Variants in RNF43 observed in about 807,000 individuals in gnomAD.
RNF43 encodes the protein ring finger protein 43, also known as E3 ubiquitin-protein ligase RNF43.
A neutral mutation model predicts 78.4 loss-of-function variants in RNF43; 37 were observed. The observed-to-expected ratio is 0.47, with a 90% CI of 0.36 to 0.62. The LOEUF is 0.62. Ranked by LOEUF, RNF43 falls within the 20% of genes least tolerant of loss-of-function variation. The pLI is 0.00. For missense variants in RNF43, 774 were observed against 1,007.9 expected (o/e 0.77, Z 3.14); for synonymous variants, 347 against 395.0 (o/e 0.88, Z 1.44).
chr17:58,378,139 G>A (rs1311039906), intron 2 of RNF43, among the ~76,000 whole-genome samples: 2 of 152,218 alleles, frequency 1.3e-5, no homozygotes, highest in Non-Finnish European at 2.9e-5. Context: ...GGAACCTCAA[G>A]ACCTCTTTCA....
intron 2 of RNF43, among the ~76,000 whole-genome samples, chr17:58,412,414 C>T (rs1019514380): frequency 5.3e-5 from 8 of 152,042 alleles, no homozygotes; most frequent in East Asian, 1.9e-4. Context: ...TTTCTTCTAG[C>T]GCTTTTAGAA....
At chr17:58,370,624 T>C (rs1298215502) in intron 3 of RNF43, among the ~76,000 whole-genome samples, 3 of 152,138 alleles carry the variant, frequency 2.0e-5, no homozygotes, top group African/African-American at 7.2e-5. Context: ...CCTTCTTTGC[T>C]CTGGTGCAGA....
chr17:58,370,784 T>A (rs1182447723), intron 3 of RNF43, 127 bp downstream of exon 3: 4 of 1,116,404 alleles, frequency 3.6e-6, no homozygotes, highest in Non-Finnish European at 4.8e-6. Context: ...CAGTCATGGG[T>A]TAGGGAAACC....
Position 58,358,537 on chromosome 17 carries a change from T to G in RNF43, c.1239A>C (p.Ala413=), listed in dbSNP as rs2143418928. 6.2e-7 allele frequency: 1 copy of G among 1,612,690 alleles called. No homozygotes were observed. Among genetic ancestry groups the G allele is most frequent in the Non-Finnish European group, 8.5e-7 (1 of 1,179,274 alleles). The change falls in exon 9 of 10, where the codon GCA becomes GCC. Residue 413 remains alanine (A), a synonymous_variant. Coordinates refer to ENST00000407977, the MANE Select transcript of RNF43 (RefSeq NM_017763.6). The surrounding 1 kb of genome is among the most constrained non-coding windows in gnomAD (Gnocchi z 6.2). ...QRLAGAQHPY[A]QGWGLSHLQS... Reference sequence around the variant, plus strand: ...GGAGGTGGCTCAGTCCCCAGCCTTGTGCATAGGGGTGCTGGGCTCCTGCCA... The same window carrying G: ...GGAGGTGGCTCAGTCCCCAGCCTTGGGCATAGGGGTGCTGGGCTCCTGCCA...
intron 2 of RNF43, among the ~76,000 whole-genome samples, chr17:58,396,558 G>A (rs1477178611): frequency 6.6e-6 from 1 of 152,092 alleles, no homozygotes; most frequent in Non-Finnish European, 1.5e-5. Context: ...CTGTCCTAAG[G>A]TTATCCATTT....
intron 2 of RNF43, among the ~76,000 whole-genome samples, chr17:58,383,909 C>T (rs1371999327): frequency 1.3e-5 from 2 of 152,198 alleles, no homozygotes; most frequent in Non-Finnish European, 2.9e-5. Flanking sequence ...TGAGCTACTG[C>T]GCCCAGCTAA....
At position 58,354,963 on chromosome 17, in the gene RNF43, GCTC is replaced by G. The variant is rs1972655356; in HGVS notation, c.2329_2331del (p.Glu777del). The G allele has an allele frequency of 3.7e-6, 6 of 1,614,132 alleles. No homozygotes were observed. Among genetic ancestry groups the G allele is most frequent in the Non-Finnish European group, 5.1e-6 (6 of 1,179,990 alleles). On this transcript the variant is annotated inframe_deletion, in exon 10 of 10. Transcript: ENST00000407977. Reference sequence around the variant, plus strand: ...ACATCTCACACAGCCTGTTCACACAGCTCCTCGAGTTCCTCCTCTGAGCCTGTA... The same window carrying G: ...ACATCTCACACAGCCTGTTCACACAGCTCGAGTTCCTCCTCTGAGCCTGTA...
chr17:58,400,520 A>G (rs1973774458), intron 2 of RNF43, among the ~76,000 whole-genome samples: 1 of 152,190 alleles, frequency 6.6e-6, no homozygotes, highest in Non-Finnish European at 1.5e-5. Flanking sequence ...ACACTCATAC[A>G]TTATTTCATT....
At chr17:58,385,369 T>C (rs1471260352) in intron 2 of RNF43, among the ~76,000 whole-genome samples, 1 of 152,220 alleles carries the variant, frequency 6.6e-6, no homozygotes, top group Non-Finnish European at 1.5e-5. Context: ...ATATTCTCCC[T>C]GCACTCCACC....
At chr17:58,400,471 A>G (rs1973773242) in intron 2 of RNF43, among the ~76,000 whole-genome samples, 1 of 152,234 alleles carries the variant, frequency 6.6e-6, no homozygotes, top group Middle Eastern at 3.2e-3. Context: ...TTTAATTACT[A>G]TTAATAATAA....
At chr17:58,392,666 C>T (rs1973584923) in intron 2 of RNF43, among the ~76,000 whole-genome samples, 1 of 152,186 alleles carries the variant, frequency 6.6e-6, no homozygotes, top group African/African-American at 2.4e-5. Flanking sequence ...TAGAGGACAG[C>T]ATATAACTTA....
At chr17:58,390,310 C>G (rs944078952) in intron 2 of RNF43, among the ~76,000 whole-genome samples, 7 of 152,102 alleles carry the variant, frequency 4.6e-5, no homozygotes, top group Admixed American at 3.9e-4. Context: ...TAAGGTAGAT[C>G]CTTTTTTTAA....
At chr17:58,411,788 T>C (rs752351776) in intron 2 of RNF43, among the ~76,000 whole-genome samples, 46 of 152,160 alleles carry the variant, frequency 3.0e-4, no homozygotes, top group Admixed American at 8.5e-4. Context: ...GATTGAGAAA[T>C]AAAATATGAC....
intron 2 of RNF43, among the ~76,000 whole-genome samples, chr17:58,397,452 G>A (rs914240837): frequency 2.0e-5 from 3 of 152,164 alleles, no homozygotes; most frequent in African/African-American, 7.2e-5. Flanking sequence ...CCTGAGGTCA[G>A]GAGTTCCAGA....
At chr17:58,385,052 T>C (rs1303873501) in intron 2 of RNF43, among the ~76,000 whole-genome samples, 1 of 152,226 alleles carries the variant, frequency 6.6e-6, no homozygotes, top group Non-Finnish European at 1.5e-5. Flanking sequence ...GCTTCTTGAC[T>C]CTTCACGTGT....
At chr17:58,367,572 C>T (rs1972983639) in intron 3 of RNF43, among the ~76,000 whole-genome samples, 1 of 152,164 alleles carries the variant, frequency 6.6e-6, no homozygotes, top group Non-Finnish European at 1.5e-5. Flanking sequence ...TGCTTTTCTC[C>T]AGATCTAGCT....
Position 58,357,273 on chromosome 17 carries a change from C to A in RNF43, c.2308+195G>T, listed in dbSNP as rs1474236469. The A allele has an allele frequency of 7.9e-6, 6 of 763,108 alleles. No individual in the cohort carries two copies. The East Asian group carries it at 1.6e-4, about 20-fold the overall frequency. 47.3% of individuals were successfully genotyped at this position (763,108 alleles called of 1,614,324 possible). A position where few individuals can be genotyped will look rare whatever the true frequency, so the allele number is the denominator to read the frequency against. On this transcript the variant is annotated intron_variant, in intron 9 of 9. Transcript: ENST00000407977. This position sits in a 1 kb window ranked among gnomAD's most constrained non-coding sequence, Gnocchi z 4.5. ...TGTGATCTGCCAACTAAAGGGGTAG[C>A]ACCTGGCAGAGGTGGGGTGTTCCTG...
At chr17:58,356,335 G>A (rs1482932879) in intron 9 of RNF43, among the ~76,000 whole-genome samples, 1 of 152,240 alleles carries the variant, frequency 6.6e-6, no homozygotes, top group Non-Finnish European at 1.5e-5. Flanking sequence ...CAGGACCTTT[G>A]TGTCACCTCC....
chr17:58,415,664 G>A lies in RNF43; in HGVS notation c.-87C>T, dbSNP rs2143698927. The A allele has an allele frequency of 6.8e-7, 1 of 1,465,852 alleles. No individual in the cohort carries two copies. Among genetic ancestry groups the A allele is most frequent in the Non-Finnish European group, 9.3e-7 (1 of 1,080,394 alleles). The allele number at this position is 1,465,852 out of a possible 1,614,324, so 90.8% of individuals were successfully genotyped here. A position where few individuals can be genotyped will look rare whatever the true frequency, so the allele number is the denominator to read the frequency against. On this transcript the variant is annotated 5_prime_UTR_variant, in exon 2 of 10. Transcript: ENST00000407977. ...GCAGGTTCTCAGATCCAGACAAATGGAGGAAAAGAACATTTATGCTTCCGT... is the reference window on the plus strand; with the variant it reads ...GCAGGTTCTCAGATCCAGACAAATGAAGGAAAAGAACATTTATGCTTCCGT...
Sources: gnomAD v4.1 joint callset for allele counts (sites outside exome capture counted in the v4.1 genomes callset) on GRCh38, gnomAD v4.1.1 for gene constraint, Gnocchi (gnomAD v3.1) non-coding constraint, MANE v1.5 for transcripts, NCBI Gene and HGNC (gene_info 2026-07-23, HGNC 2026-07-21) for gene names.